The following GCFC2 variants were observed in gnomAD, a reference collection of about 807,000 sequenced individuals.
GCFC2 encodes GC-rich sequence DNA-binding factor 2.
Under a neutral mutation model 99.4 loss-of-function variants are expected in GCFC2, and 102 were observed. That is an observed-to-expected ratio of 1.03 (90% CI 0.87 to 1.21). The LOEUF (loss-of-function observed/expected upper bound fraction) is 1.21. Among genes scored for constraint, GCFC2 ranks in the 50% most tolerant of loss-of-function variants. The pLI, the probability that GCFC2 is intolerant of heterozygous loss-of-function variation, is 0.00. For synonymous variants in GCFC2, 338 were observed against 316.8 expected (o/e 1.07, Z -0.71); for missense variants, 973 against 920.9 (o/e 1.06, Z -0.73).
At chr2:75,699,507 AC>A (rs1218087890) in intron 4 of GCFC2, among the ~76,000 whole-genome samples, 1 of 152,166 alleles carries the variant, frequency 6.6e-6, no homozygotes, top group Non-Finnish European at 1.5e-5. Context: ...AGGACTTTTA[AC>A]CCCAAGTACA....
chr2:75,712,632 C>G (rs1427179910), upstream of GCFC2, among the ~76,000 whole-genome samples: 1 of 152,114 alleles, frequency 6.6e-6, no homozygotes, highest in Non-Finnish European at 1.5e-5. Flanking sequence ...ATAAATCTTG[C>G]TACTGCTGAC....
chr2:75,670,380 C>A, intron 14 of GCFC2, 96 bp from the exon 15 acceptor site: 1 of 774,980 alleles, frequency 1.3e-6, no homozygotes, highest in East Asian at 2.5e-5. Context: ...CTAAAATTCT[C>A]ACTACAATTA....
Position 75,710,692 on chromosome 2 carries a change from G to T in GCFC2, c.164C>A (p.Ala55Glu). ...PPSGGGRAQV[A>E]GLPHRVRGPR... Reference sequence around the variant, plus strand: ...GCCCCGAACCCGGTGGGGCAGTCCCGCCACCTGCGCGCGGCCTCCTCCAGA... The same window carrying T: ...GCCCCGAACCCGGTGGGGCAGTCCCTCCACCTGCGCGCGGCCTCCTCCAGA... The change falls in exon 1 of 17, where the codon GCG (alanine) becomes GAG (glutamate). Residue 55 changes from alanine (A) to glutamate (E), a missense_variant. Physicochemically the swap from Ala to Glu is moderately radical, Grantham distance 107. Coordinates refer to ENST00000321027, the MANE Select transcript of GCFC2 (RefSeq NM_003203.5). 6.5e-7 allele frequency: 1 copy of T among 1,528,044 alleles called. No individual in the cohort carries two copies. The allele number at this position is 1,528,044 out of a possible 1,614,324, so 94.7% of individuals were successfully genotyped here.
At chr2:75,683,070 T>C (rs1489867859) in intron 11 of GCFC2, among the ~76,000 whole-genome samples, 1 of 151,656 alleles carries the variant, frequency 6.6e-6, no homozygotes, top group Non-Finnish European at 1.5e-5. Flanking sequence ...CAGGCCAACA[T>C]TCAAATTCAG....
intron 11 of GCFC2, among the ~76,000 whole-genome samples, chr2:75,685,554 C>T (rs1052056641): frequency 1.3e-5 from 2 of 152,026 alleles, no homozygotes; most frequent in African/African-American, 4.8e-5. Context: ...GTTTCCTGCC[C>T]ACCTCTCTGG....
At chr2:75,712,902 A>G (rs1681247804), upstream of GCFC2, among the ~76,000 whole-genome samples, 1 of 152,248 alleles carries the variant, frequency 6.6e-6, no homozygotes, top group African/African-American at 2.4e-5. Context: ...GAAATCAGCC[A>G]TAAAGGGACT....
rs1056147394 is a variant in GCFC2, at chr2:75,675,452, A to C, written c.1813-1932T>G. 1.2e-4 allele frequency among the ~76,000 whole-genome samples: 19 copies of C among 152,202 alleles called. 1 individual carries two copies. The highest frequency in any genetic ancestry group is 4.6e-4 in the African/African-American group (19 of 41,462). On this transcript the variant is annotated intron_variant, in intron 12 of 16. Transcript: ENST00000321027. ...AAATAAATTGTTTAAAACAAAACATAAATTCACTGGCCGGTTGCCGTGGCT... is the reference window on the plus strand; with the variant it reads ...AAATAAATTGTTTAAAACAAAACATCAATTCACTGGCCGGTTGCCGTGGCT...
chr2:75,668,159 C>T (rs1194635643), intron 15 of GCFC2, among the ~76,000 whole-genome samples: 3 of 152,260 alleles, frequency 2.0e-5, no homozygotes, highest in Non-Finnish European at 4.4e-5. Flanking sequence ...ATAATGAAAG[C>T]ATTCTTACAC....
intron 11 of GCFC2, among the ~76,000 whole-genome samples, chr2:75,681,562 C>T (rs1285013832): frequency 6.6e-6 from 1 of 151,584 alleles, no homozygotes. Context: ...TTTTTTCATA[C>T]CCCAGTGGCA....
intron 13 of GCFC2, among the ~76,000 whole-genome samples, chr2:75,672,229 TTA>T (rs990886417): frequency 7.4e-6 from 1 of 135,668 alleles, no homozygotes; most frequent in Non-Finnish European, 1.5e-5. Context: ...AAATATATAT[TTA>T]TATATTTATA....
chr2:75,696,092 C>G (rs907652012), intron 5 of GCFC2, 108 bp downstream of exon 5: 6 of 524,370 alleles, frequency 1.1e-5, no homozygotes, highest in Admixed American at 9.8e-5. Context: ...TTTTCCCCCC[C>G]ATAAGTCTGT....
chr2:75,696,078 T>A (rs1314827210), intron 5 of GCFC2, 122 bp downstream of exon 5: 2 of 501,374 alleles, frequency 4.0e-6, no homozygotes, highest in Admixed American at 6.9e-5. Context: ...ACACAGGAGA[T>A]CCTTTTTCCC....
At chr2:75,690,559 C>T in intron 8 of GCFC2, 79 bp downstream of exon 8, 1 of 769,260 alleles carries the variant, frequency 1.3e-6, no homozygotes, top group Non-Finnish European at 2.3e-6. Context: ...TTAATGACAT[C>T]ATGTGGTTAA....
In GCFC2 at chr2:75,692,138, G is replaced by A. The variant is rs759214217; in HGVS notation, c.1021-38C>T. The A allele has an allele frequency of 2.1e-5, 18 of 852,956 alleles. No individual in the cohort carries two copies. In the South Asian group the frequency reaches 3.5e-4, roughly 17 times the overall value. 52.8% of individuals were successfully genotyped at this position (852,956 alleles called of 1,614,324 possible). ...TATAAGTAACATTTTGCAGGTCATC[G>A]ATAATGAAATATATATATATATATA... On this transcript the variant is annotated intron_variant, in intron 6 of 16. Transcript: ENST00000321027.
chr2:75,688,520 G>C (rs970324843), intron 10 of GCFC2, among the ~76,000 whole-genome samples: 3 of 151,724 alleles, frequency 2.0e-5, no homozygotes, highest in Admixed American at 1.3e-4. Context: ...CCTTAACTTA[G>C]GATCTAAATA....
At chr2:75,692,309 A>T (rs182853555) in intron 6 of GCFC2, among the ~76,000 whole-genome samples, 173 of 152,232 alleles carry the variant, frequency 1.1e-3, no homozygotes, top group Middle Eastern at 6.8e-3. Flanking sequence ...TTAAAAAATC[A>T]GAAAATTGAC....
At chr2:75,689,879 G>A in intron 9 of GCFC2, 90 bp downstream of exon 9, 1 of 712,938 alleles carries the variant, frequency 1.4e-6, no homozygotes, top group Non-Finnish European at 2.5e-6. Context: ...GTTTTATATA[G>A]CTTATGTACT....
At chr2:75,711,184 C>G, upstream of GCFC2, 2 of 985,340 alleles carry the variant, frequency 2.0e-6, no homozygotes, top group Non-Finnish European at 1.2e-6. Flanking sequence ...TGTGCAAACC[C>G]CATCCAGAAA....
At position 75,710,653 on chromosome 2, in the gene GCFC2, C is replaced by T. The variant is rs1221809345; in HGVS notation, c.203G>A (p.Gly68Asp). The change falls in exon 1 of 17, where the codon GGC becomes GAC. Residue 68 changes from glycine (G) to aspartate (D), a missense_variant. Gly to Asp is a moderately conservative substitution (Grantham distance 94, BLOSUM62 -1). Coordinates refer to ENST00000321027, the MANE Select transcript of GCFC2 (RefSeq NM_003203.5). ...PHRVRGPRGR[G>D]RVWASSRRAT... ...ACGCCGGGAGCTCGCCCAGACCCGG[C>T]CCCGGCCACGAGGGCCCCGAACCCG... is the stretch of plus-strand genomic sequence containing the variant. 3 of 1,518,258 alleles carry T rather than the reference C, an allele frequency of 2.0e-6. No homozygotes were observed. Among genetic ancestry groups the T allele is most frequent in the East Asian group, 2.6e-5 (1 of 38,496 alleles). The allele number at this position is 1,518,258 out of a possible 1,614,324, so 94.0% of individuals were successfully genotyped here.
Sources: allele counts gnomAD v4.1 joint callset (sites outside exome capture counted in the v4.1 genomes callset), GRCh38; gene constraint gnomAD v4.1.1; transcripts MANE v1.5; gene names NCBI Gene and HGNC (gene_info 2026-07-23, HGNC 2026-07-21).